CEP85: variants seen among roughly 807,000 people sequenced by gnomAD.
CEP85 encodes the protein centrosomal protein of 85 kDa.
CEP85 carries 58 observed loss-of-function variants against 93.7 expected under a neutral mutation model. The ratio of observed to expected loss-of-function variants is 0.62; its 90% CI spans 0.50 to 0.77. The LOEUF (loss-of-function observed/expected upper bound fraction) is 0.77. Among genes scored for constraint, CEP85 ranks in the 30% least tolerant of loss-of-function variants. CEP85 has a pLI of 0.00. For synonymous variants in CEP85, 314 were observed against 338.6 expected, an observed-to-expected ratio of 0.93 and a Z score of 0.80; for missense variants, 868 against 922.0, an observed-to-expected ratio of 0.94 and a Z score of 0.76.
At chr1:26,259,544 A>T in intron 6 of CEP85, 73 bp from the exon 7 acceptor site, 2 of 1,338,806 alleles carry the variant, frequency 1.5e-6, no homozygotes, top group Non-Finnish European at 2.0e-6. Context: ...ACCGTGAAGT[A>T]TGCTGGGAAT....
chr1:26,273,233 A>T (rs933102574), intron 11 of CEP85, among the ~76,000 whole-genome samples: 2 of 152,182 alleles, frequency 1.3e-5, no homozygotes, highest in Non-Finnish European at 2.9e-5. Flanking sequence ...GAGTGTCTTT[A>T]ACTGGGTTCT....
Position 26,273,350 on chromosome 1 carries a change from C to T in CEP85, c.1794+1279C>T, listed in dbSNP as rs116065331. Among the ~76,000 whole-genome samples the T allele has an allele frequency of 6.4e-3, 968 of 152,298 alleles. 11 individuals carry two copies. The highest frequency in any genetic ancestry group is 0.021 in the African/African-American group (854 of 41,558). ...CTCGTTTTGAGGGAATAAGTGGAGG[C>T]TGCAGTCTTGCCTTTGCCATTATGT... On this transcript the variant is annotated intron_variant, in intron 11 of 13. Coordinates refer to ENST00000451429, the MANE Select transcript of CEP85 (RefSeq NM_001319944.2).
chr1:26,262,396 T>G (rs1408591974), intron 7 of CEP85, among the ~76,000 whole-genome samples: 1 of 151,940 alleles, frequency 6.6e-6, no homozygotes, highest in Non-Finnish European at 1.5e-5. Context: ...GAGAGTTGCT[T>G]GAACCCAGGA....
chr1:26,236,986 T>C (rs540519342), intron 1 of CEP85, among the ~76,000 whole-genome samples: 68 of 152,286 alleles, frequency 4.5e-4, no homozygotes, highest in African/African-American at 1.4e-3. Flanking sequence ...TAGTAGGCTT[T>C]AGAGAGAATA....
At chr1:26,276,430 C>G (rs2090053051) in intron 12 of CEP85, 105 bp from the exon 13 acceptor site, 4 of 836,446 alleles carry the variant, frequency 4.8e-6, no homozygotes, top group Non-Finnish European at 7.9e-6. Flanking sequence ...GAAGGAGGGA[C>G]ACTGCCTATG....
At position 26,265,274 on chromosome 1, in the gene CEP85, G is replaced by A. The variant is rs533443830; in HGVS notation, c.1342-3209G>A. On this transcript the variant is annotated intron_variant, in intron 7 of 13. Coordinates refer to ENST00000451429, the MANE Select transcript of CEP85 (RefSeq NM_001319944.2). ...GCTAGGATTACAGGCTTGAGCCACT[G>A]CACTGGCCTAATTTTTGTATTTTTT... 5.3e-5 allele frequency among the ~76,000 whole-genome samples: 8 copies of A among 152,094 alleles called. No individual in the cohort carries two copies. The South Asian group carries it at 1.7e-3, about 32-fold the overall frequency.
chr1:26,252,333 G>A (rs866932755), intron 3 of CEP85, among the ~76,000 whole-genome samples: 9 of 152,146 alleles, frequency 5.9e-5, no homozygotes, highest in Non-Finnish European at 7.4e-5. Flanking sequence ...GGGAGTTCAA[G>A]ACCAGCCTGA....
intron 7 of CEP85, among the ~76,000 whole-genome samples, chr1:26,267,167 C>T (rs1329444093): frequency 6.6e-6 from 1 of 152,214 alleles, no homozygotes; most frequent in Non-Finnish European, 1.5e-5. Flanking sequence ...CAACTGGCTG[C>T]AGATCTGTAG....
intron 2 of CEP85, 25 bp downstream of exon 2, chr1:26,239,863 T>C: frequency 1.3e-6 from 2 of 1,574,226 alleles, no homozygotes; most frequent in South Asian, 1.1e-5. Context: ...GTTTTCTGGG[T>C]TAAATTCTGA....
intron 7 of CEP85, among the ~76,000 whole-genome samples, chr1:26,267,831 T>C (rs1557665252): frequency 1.3e-5 from 2 of 152,160 alleles, no homozygotes; most frequent in Non-Finnish European, 2.9e-5. Flanking sequence ...AGCAGTTGAT[T>C]TTTCTGGTGA....
intron 4 of CEP85, among the ~76,000 whole-genome samples, chr1:26,256,600 CTTTTTTT>C (rs771960691): frequency 7.9e-6 from 1 of 127,138 alleles, no homozygotes; most frequent in Admixed American, 7.8e-5. Flanking sequence ...TTTGTATTTT[CTTTTTTT>C]TTTTTTTTTG....
intron 9 of CEP85, 31 bp from the exon 10 acceptor site, chr1:26,270,983 C>G: frequency 7.2e-7 from 1 of 1,385,620 alleles, no homozygotes; most frequent in Non-Finnish European, 1.0e-6. Flanking sequence ...TGTCTAACTT[C>G]AGAGTTCTTG....
At chr1:26,239,732 G>A in intron 1 of CEP85, 30 bp from the exon 2 acceptor site, 1 of 1,310,920 alleles carries the variant, frequency 7.6e-7, no homozygotes, top group Non-Finnish European at 1.1e-6. Flanking sequence ...ATACTTCAGA[G>A]AACTGACTGG....
chr1:26,257,406 T>A (rs913104779), intron 4 of CEP85, among the ~76,000 whole-genome samples, 191 bp from the exon 5 acceptor site: 1 of 152,190 alleles, frequency 6.6e-6, no homozygotes, highest in African/African-American at 2.4e-5. Context: ...CAGGGAGTGT[T>A]CAGTTGGCAG....
Position 26,262,744 on chromosome 1 carries a change from C to T in CEP85, c.1341+2942C>T, listed in dbSNP as rs962569731. On this transcript the variant is annotated intron_variant, in intron 7 of 13. Transcript: ENST00000451429. Reference sequence around the variant, plus strand: ...ATAAAGGCCAAGCTTGCAAACTATTCCTCCTCATCCATGTTGCTCAAATGT... The same window carrying T: ...ATAAAGGCCAAGCTTGCAAACTATTTCTCCTCATCCATGTTGCTCAAATGT... Among the ~76,000 whole-genome samples the T allele has an allele frequency of 3.9e-5, 6 of 152,236 alleles. No individual in the cohort carries two copies. In the East Asian group the frequency reaches 1.2e-3, roughly 29 times the overall value.
intron 1 of CEP85, among the ~76,000 whole-genome samples, chr1:26,236,809 A>G (rs1283607569): frequency 6.6e-6 from 1 of 152,210 alleles, no homozygotes; most frequent in African/African-American, 2.4e-5. Flanking sequence ...ATTTACATTG[A>G]TCTGGAAGGG....
intron 2 of CEP85, among the ~76,000 whole-genome samples, chr1:26,243,891 G>C (rs371237932): frequency 5.3e-5 from 8 of 151,402 alleles, no homozygotes; most frequent in African/African-American, 1.7e-4. Flanking sequence ...CCAGCTACTC[G>C]GGAGGCTAAG....
At chr1:26,269,693 C>CT in intron 9 of CEP85, 79 bp downstream of exon 9, 1 of 1,142,678 alleles carries the variant, frequency 8.8e-7, no homozygotes, top group East Asian at 2.7e-5. Context: ...ACCTGTGTGA[C>CT]TTTGGGTGAT....
At chr1:26,255,935 T>C in intron 4 of CEP85, 70 bp downstream of exon 4, 1 of 1,362,462 alleles carries the variant, frequency 7.3e-7, no homozygotes, top group Non-Finnish European at 1.0e-6. Flanking sequence ...GCTTTTGTCC[T>C]TTGAATTTTG....
Sources: gnomAD v4.1 joint callset for allele counts (sites outside exome capture counted in the v4.1 genomes callset) on GRCh38, gnomAD v4.1.1 for gene constraint, MANE v1.5 for transcripts, NCBI Gene and HGNC (gene_info 2026-07-23, HGNC 2026-07-21) for gene names.